Variants in GDI2 observed in about 807,000 individuals in gnomAD.
GDI2 encodes rab GDP dissociation inhibitor beta.
In GDI2, 22 loss-of-function variants were observed where a neutral mutation model predicts 54.2. The ratio of observed to expected loss-of-function variants is 0.41; its 90% CI spans 0.29 to 0.58. The LOEUF is 0.58. GDI2 is among the 20% of genes least tolerant of loss of function. GDI2 has a pLI of 0.35. For synonymous variants in GDI2, 177 were observed against 182.1 expected (o/e 0.97, Z 0.23); for missense variants, 422 against 546.0 (o/e 0.77, Z 2.26).
At chr10:5,775,863 G>A (rs775463005) in intron 6 of GDI2, among the ~76,000 whole-genome samples, 10 of 152,302 alleles carry the variant, frequency 6.6e-5, no homozygotes, top group Admixed American at 2.0e-4. Flanking sequence ...CAGCAGCAGC[G>A]CAGGTGGCAG....
chr10:5,766,145 A>C lies in GDI2; in HGVS notation c.1199T>G (p.Ile400Ser). ...KDLGTESQIF[I>S]SRTYDATTHF... Reference sequence around the variant, plus strand: ...AGTGGTGGCATCATATGTGCGGGAAATAAAGATCTGAAAACAAAAATTACG... The same window carrying C: ...AGTGGTGGCATCATATGTGCGGGAACTAAAGATCTGAAAACAAAAATTACG... Residue 400 changes from isoleucine (I) to serine (S), a missense_variant, in exon 11 of 11, where the codon ATT becomes AGT. Physicochemically the swap from Ile to Ser is moderately radical, Grantham distance 142 (BLOSUM62 -2). Coordinates refer to ENST00000380191, the MANE Select transcript of GDI2 (RefSeq NM_001494.4). The surrounding 1 kb of genome is among the most constrained non-coding windows in gnomAD (Gnocchi z 5.8). The C allele has an allele frequency of 6.2e-7, 1 of 1,613,926 alleles. No homozygotes were observed. Among genetic ancestry groups the C allele is most frequent in the Non-Finnish European group, 8.5e-7 (1 of 1,179,806 alleles).
chr10:5,770,540 C>T (rs150469377), intron 7 of GDI2, among the ~76,000 whole-genome samples: 8 of 151,252 alleles, frequency 5.3e-5, no homozygotes, highest in South Asian at 2.1e-4. Context: ...CCAGCTTGGG[C>T]GACAGAGTGA....
At chr10:5,780,725 G>T (rs966507375) in intron 6 of GDI2, among the ~76,000 whole-genome samples, 7 of 152,116 alleles carry the variant, frequency 4.6e-5, no homozygotes, top group Admixed American at 3.9e-4. Flanking sequence ...AAATGTGATA[G>T]ATCTCTACAG....
chr10:5,781,189 C>A (rs1489673384), intron 6 of GDI2, among the ~76,000 whole-genome samples: 14 of 149,372 alleles, frequency 9.4e-5, no homozygotes, highest in African/African-American at 3.2e-4. Context: ...AAAAAAAGAA[C>A]CTCAAGTCTT....
Position 5,767,553 on chromosome 10 carries a change from G to A in GDI2, c.991+660C>T, listed in dbSNP as rs905434143. Among the ~76,000 whole-genome samples, 16 of 152,108 alleles carry A rather than the reference G, an allele frequency of 1.1e-4. No homozygotes were observed. The East Asian group carries it at 2.9e-3, about 28-fold the overall frequency. ...TTACCCAGGCTGGTCTTGAACCCCT[G>A]GCCTCAAGCAAGCCTCCTGCCTTGG... On this transcript the variant is annotated intron_variant, in intron 8 of 10. Transcript: ENST00000380191.
At chr10:5,800,514 A>C in intron 2 of GDI2, 84 bp downstream of exon 2, 4 of 769,276 alleles carry the variant, frequency 5.2e-6, no homozygotes, top group Non-Finnish European at 9.4e-6. Context: ...CAAAATTAAG[A>C]CCATCTCTAA....
Position 5,766,491 on chromosome 10 carries a change from C to T in GDI2, c.1136+3G>A, listed in dbSNP as rs1443462533. The T allele has an allele frequency of 1.2e-6, 2 of 1,613,048 alleles. No homozygotes were observed. Among genetic ancestry groups the T allele is most frequent in the East Asian group, 2.2e-5 (1 of 44,888 alleles). On this transcript the variant is annotated splice_donor_region_variant and intron_variant, in intron 9 of 10. Coordinates refer to ENST00000380191, the MANE Select transcript of GDI2 (RefSeq NM_001494.4). This position sits in a 1 kb window ranked among gnomAD's most constrained non-coding sequence, Gnocchi z 5.8. ...TCGGCAGATATAAAAGAACACAACT[C>T]ACTTCTGTTCAATTGGTTCCAAGAG...
chr10:5,785,070 A>T, intron 6 of GDI2, 72 bp downstream of exon 6: 1 of 1,008,412 alleles, frequency 9.9e-7, no homozygotes. Flanking sequence ...CATTATTTAA[A>T]CTATATCTCA....
rs145635006 is a variant in GDI2 at position 5,775,356 on chromosome 10, A to G, written c.720-1415T>C. 1.1e-4 allele frequency among the ~76,000 whole-genome samples: 17 copies of G among 152,316 alleles called. No homozygotes were observed. The East Asian group carries it at 3.1e-3, about 28-fold the overall frequency. Reference sequence around the variant, plus strand: ...AATGACTTAAAGCAGCAAAAACCAGAGACTGAAGAAACTCTTGAAAGGAAC... The same window carrying G: ...AATGACTTAAAGCAGCAAAAACCAGGGACTGAAGAAACTCTTGAAAGGAAC... On this transcript the variant is annotated intron_variant, in intron 6 of 10. Coordinates refer to ENST00000380191, the MANE Select transcript of GDI2 (RefSeq NM_001494.4).
At chr10:5,784,128 T>C (rs1386976060) in intron 6 of GDI2, among the ~76,000 whole-genome samples, 1 of 152,236 alleles carries the variant, frequency 6.6e-6, no homozygotes, top group South Asian at 2.1e-4. Flanking sequence ...TTCATTTTTT[T>C]AAATTCTTTT....
At chr10:5,801,950 G>A (rs1841278193) in intron 1 of GDI2, among the ~76,000 whole-genome samples, 1 of 152,088 alleles carries the variant, frequency 6.6e-6, no homozygotes, top group African/African-American at 2.4e-5. Flanking sequence ...AGAGGCTGCT[G>A]TGAGCTGAGA....
chr10:5,795,336 G>A (rs1401369953), intron 3 of GDI2, among the ~76,000 whole-genome samples: 4 of 151,828 alleles, frequency 2.6e-5, no homozygotes, highest in Non-Finnish European at 5.9e-5. Context: ...TGCCCAGGCT[G>A]GTCTCAAACT....
chr10:5,771,195 A>C (rs978106733), intron 7 of GDI2, among the ~76,000 whole-genome samples: 2 of 152,162 alleles, frequency 1.3e-5, no homozygotes, highest in Non-Finnish European at 2.9e-5. Flanking sequence ...AATTATCCCT[A>C]CTATTTTCTC....
At chr10:5,806,875 T>C (rs7095103) in intron 1 of GDI2, among the ~76,000 whole-genome samples, 30,619 of 152,088 alleles carry the variant, frequency 0.2, 3,473 homozygotes, top group Admixed American at 0.26. Context: ...AGCAAGCAAA[T>C]TGGAGTGTTG....
rs761709460 is a variant in GDI2 at position 5,785,910 on chromosome 10, A to G, written c.529T>C (p.Leu177=). 6.2e-7 allele frequency: 1 copy of G among 1,612,256 alleles called. No homozygotes were observed. ...TMRDVYKKFD[L]GQDVIDFTGH... is the part of the protein sequence containing the mutation. ...GTAAAATCTATAACGTCTTGACCCA[A>G]ATCAAATTTCTTATACACATCTCGC... Residue 177 remains leucine, a synonymous_variant, in exon 5 of 11, where the codon TTG becomes CTG. Transcript: ENST00000380191.
At chr10:5,808,255 G>C (rs1841415702) in intron 1 of GDI2, among the ~76,000 whole-genome samples, 1 of 152,178 alleles carries the variant, frequency 6.6e-6, no homozygotes, top group Non-Finnish European at 1.5e-5. Flanking sequence ...AGCCTGGAAG[G>C]TTGAGGCTAC....
At chr10:5,799,367 A>G (rs1841217018) in intron 2 of GDI2, among the ~76,000 whole-genome samples, 1 of 152,068 alleles carries the variant, frequency 6.6e-6, no homozygotes, top group South Asian at 2.1e-4. Flanking sequence ...CAAAGAATAA[A>G]GCGCTCGGGC....
intron 1 of GDI2, chr10:5,811,908 G>A (rs1043393434): frequency 1.9e-5 from 22 of 1,168,858 alleles, no homozygotes; most frequent in Non-Finnish European, 2.4e-5. Flanking sequence ...AAAGTTCGAA[G>A]GTTTTCTCTT....
At chr10:5,811,960 T>TA (rs146282355) in intron 1 of GDI2, 73,712 of 660,658 alleles carry the variant, frequency 0.11, 1,210 homozygotes, top group East Asian at 0.38. Context: ...ATGTTACCTG[T>TA]AAAAAAAAAA....
Sources: gnomAD v4.1 joint callset for allele counts (sites outside exome capture counted in the v4.1 genomes callset) on GRCh38, gnomAD v4.1.1 for gene constraint, Gnocchi (gnomAD v3.1) non-coding constraint, MANE v1.5 for transcripts, NCBI Gene and HGNC (gene_info 2026-07-23, HGNC 2026-07-21) for gene names.